Variants in DNASE1 observed in about 807,000 individuals in gnomAD.
DNASE1 encodes the protein deoxyribonuclease 1.
In DNASE1, 40 loss-of-function variants were observed where a neutral mutation model predicts 33.9. The ratio of observed to expected loss-of-function variants is 1.18; its 90% confidence interval spans 0.92 to 1.54. DNASE1 has a LOEUF of 1.54. Among genes scored for constraint, DNASE1 ranks in the 40% most tolerant of loss-of-function variants. The pLI, the probability that DNASE1 is intolerant of heterozygous loss-of-function variation, is 0.00. For missense variants in DNASE1, 518 were observed against 372.6 expected, an observed-to-expected ratio of 1.39 and a Z score of -3.21; for synonymous variants, 216 against 160.0, an observed-to-expected ratio of 1.35 and a Z score of -2.64.
chr16:3,658,903 C>T (rs1451749972), downstream of DNASE1: 2 of 1,602,946 alleles, frequency 1.2e-6, no homozygotes, highest in Middle Eastern at 1.7e-4. Flanking sequence ...CAGCTCAGTA[C>T]CACGTGCTGT....
intron 1 of DNASE1, among the ~76,000 whole-genome samples, chr16:3,648,630 C>A (rs943053742): frequency 6.6e-6 from 1 of 152,192 alleles, no homozygotes; most frequent in Admixed American, 6.5e-5. Flanking sequence ...GCCTAGACAA[C>A]GTAGTGAGAC....
At chr16:3,658,372 C>T (rs577889907), downstream of DNASE1, 163 of 688,050 alleles carry the variant, frequency 2.4e-4, no homozygotes, top group African/African-American at 1.8e-3. Flanking sequence ...GTGATCCCCC[C>T]GCCTCCCAAA....
At chr16:3,655,250 C>T (rs368567207) in intron 1 of DNASE1, 123 bp from the exon 2 acceptor site, 65 of 1,366,404 alleles carry the variant, frequency 4.8e-5, no homozygotes, top group Middle Eastern at 2.5e-4. Context: ...GGGTTTCCCC[C>T]GCCTGCGTCC....
chr16:3,657,800 GCCTGAGTGA>G lies in DNASE1; in HGVS notation c.788_796del (p.Leu263_Asp265del), dbSNP rs1567214046. 6.2e-7 allele frequency: 1 copy of G among 1,613,846 alleles called. No homozygotes were observed. Among genetic ancestry groups the G allele is most frequent in the Admixed American group, 1.7e-5 (1 of 60,004 alleles). ...CCCTTTAACTTCCAGGCTGCCTATG[GCCTGAGTGA>G]CCAACTGGTATGTGTCCTCCCTTGC... On this transcript the variant is annotated inframe_deletion, in exon 8 of 9. Coordinates refer to ENST00000246949, the MANE Select transcript of DNASE1 (RefSeq NM_005223.4).
chr16:3,657,944 G>A lies in DNASE1; in HGVS notation c.840G>A (p.Met280Ile), dbSNP rs1289578683. ...GTGACCACTATCCAGTGGAGGTGAT[G>A]CTGAAGTGAGCAGCCCCTCCCCACA... The part of the protein sequence containing the change: ...AISDHYPVEV[M>I]LK Residue 280 changes from methionine to isoleucine, a missense_variant, in exon 9 of 9, where the codon ATG (methionine) becomes ATA (isoleucine). Coordinates refer to ENST00000246949, the MANE Select transcript of DNASE1 (RefSeq NM_005223.4). 3 of 1,613,882 alleles carry A rather than the reference G, an allele frequency of 1.9e-6. No individual in the cohort carries two copies. Among genetic ancestry groups the A allele is most frequent in the Non-Finnish European group, 2.5e-6 (3 of 1,180,014 alleles).
At chr16:3,660,441 C>G (rs570319873), downstream of DNASE1, 7 of 152,332 alleles carry the variant, frequency 4.6e-5, no homozygotes, top group African/African-American at 1.7e-4. Flanking sequence ...CTGGTACACT[C>G]CAGCCTAGGT....
chr16:3,621,323 G>T (rs1018400034), intron 1 of DNASE1, among the ~76,000 whole-genome samples: 1 of 152,202 alleles, frequency 6.6e-6, no homozygotes, highest in South Asian at 2.1e-4. Flanking sequence ...TTAGCCTCTG[G>T]TGATCCTCCT....
rs536970815 is a variant in DNASE1, at chr16:3,663,425, T to C, written c.*5472T>C. The C allele has an allele frequency of 9.9e-6, 16 of 1,614,086 alleles. No homozygotes were observed. The South Asian group carries it at 1.5e-4, about 16-fold the overall frequency. Reference sequence around the variant, plus strand: ...GCCTAGAGAGCAGGGGATGCCGACCTGGGGACCTGTCCTCAAACTTCTCCT... The same window carrying C: ...GCCTAGAGAGCAGGGGATGCCGACCCGGGGACCTGTCCTCAAACTTCTCCT... On this transcript the variant is annotated 3_prime_UTR_variant, in exon 10 of 10. Transcript: ENST00000407479.
In DNASE1 at chr16:3,657,013, G is replaced by T. The variant is rs1387784413; in HGVS notation, c.451G>T (p.Ala151Ser). The stretch of plus-strand genomic sequence containing the variant: ...TGTCTCCACAGAGGTCAGGGAGTTT[G>T]CCATTGTTCCCCTGCATGCGGCCCC... Reference protein sequence around the residue: ...FSRFTEVREFAIVPLHAAPGD... With the variant: ...FSRFTEVREFSIVPLHAAPGD... The change falls in exon 6 of 9, where the codon GCC (alanine) becomes TCC (serine). Residue 151 changes from alanine to serine, a missense_variant. Coordinates refer to ENST00000246949, the MANE Select transcript of DNASE1 (RefSeq NM_005223.4). 1 of 1,613,732 alleles carries T rather than the reference G, an allele frequency of 6.2e-7. No homozygotes were observed.
At chr16:3,641,697 C>T (rs1384745866), upstream of DNASE1, among the ~76,000 whole-genome samples, 1 of 152,214 alleles carries the variant, frequency 6.6e-6, no homozygotes, top group Admixed American at 6.5e-5. Flanking sequence ...GGTGACAGCT[C>T]ATGGCTTCCT....
upstream of DNASE1, chr16:3,650,993 G>C (rs2042318290): frequency 6.6e-6 from 1 of 152,230 alleles, no homozygotes; most frequent in African/African-American, 2.4e-5. Flanking sequence ...TCAAAATTCA[G>C]AAGGATCTGA....
At chr16:3,613,878 A>G (rs1166287161) in intron 1 of DNASE1, among the ~76,000 whole-genome samples, 2 of 147,458 alleles carry the variant, frequency 1.4e-5, no homozygotes, top group African/African-American at 5.1e-5. Context: ...AGTAGCTGGG[A>G]TTACAGGCGC....
At chr16:3,662,014 A>C (rs1191518768), downstream of DNASE1, 1 of 1,611,338 alleles carries the variant, frequency 6.2e-7, no homozygotes, top group Non-Finnish European at 8.5e-7. Flanking sequence ...CGTGGGCTGC[A>C]GGAGCTGTGC....
exon 10 of DNASE1, chr16:3,664,479 T>C: frequency 2.5e-6 from 4 of 1,597,406 alleles, no homozygotes; most frequent in Non-Finnish European, 2.6e-6. Flanking sequence ...ACGGGGCAGG[T>C]CACCACTTAT....
chr16:3,656,271 T>A, intron 4 of DNASE1, 86 bp downstream of exon 4: 1 of 1,420,820 alleles, frequency 7.0e-7, no homozygotes. Context: ...TATTAGTTTG[T>A]CCTATGGCAA....
intron 1 of DNASE1, among the ~76,000 whole-genome samples, chr16:3,625,464 T>C (rs771344087): frequency 6.6e-6 from 1 of 151,536 alleles, no homozygotes; most frequent in Non-Finnish European, 1.5e-5. Context: ...AAAAAAAAAA[T>C]TGTTTAAATA....
chr16:3,613,405 G>C (rs915189484), intron 1 of DNASE1, among the ~76,000 whole-genome samples: 3 of 152,170 alleles, frequency 2.0e-5, no homozygotes, highest in African/African-American at 7.2e-5. Context: ...CTTTTTGGCT[G>C]TTAGAAATAA....
rs912562632 is a variant in DNASE1 at position 3,663,810 on chromosome 16, A to G, written c.*5857A>G. The G allele has an allele frequency of 1.6e-4, 84 of 516,136 alleles. 1 individual carries two copies. The highest frequency in any genetic ancestry group is 4.5e-5 in the Non-Finnish European group (13 of 287,888). The allele number at this position is 516,136 out of a possible 1,614,324, so 32.0% of individuals were successfully genotyped here. ...CACATGTGGCTGAGTGCAGTGGCTC[A>G]CGCCTGTAATCCCAGCACTTTGGGA... On this transcript the variant is annotated 3_prime_UTR_variant, in exon 10 of 10. Coordinates refer to the DNASE1 transcript ENST00000407479.
chr16:3,662,901 G>C, downstream of DNASE1: 2 of 1,613,436 alleles, frequency 1.2e-6, no homozygotes, highest in Non-Finnish European at 1.7e-6. Context: ...GGTGACACGC[G>C]ACCCCAGCAC....
Sources: allele counts gnomAD v4.1 joint callset (sites outside exome capture counted in the v4.1 genomes callset), GRCh38; gene constraint gnomAD v4.1.1; transcripts MANE v1.5; gene names NCBI Gene and HGNC (gene_info 2026-07-23, HGNC 2026-07-21).